The following CDH13 variants were observed in gnomAD, a reference collection of about 807,000 sequenced individuals.
CDH13 encodes the protein cadherin-13.
CDH13 carries 24 observed loss-of-function variants against 63.8 expected under a neutral mutation model. The ratio of observed to expected loss-of-function variants is 0.38; its 90% CI spans 0.27 to 0.53. CDH13 has a LOEUF of 0.53. Among genes scored for constraint, CDH13 ranks in the 20% least tolerant of loss-of-function variants. The pLI, the probability that CDH13 is intolerant of heterozygous loss-of-function variation, is 0.85. For missense variants in CDH13, 1,049 were observed against 903.1 expected, an observed-to-expected ratio of 1.16 and a Z score of -2.07; for synonymous variants, 503 against 355.3, an observed-to-expected ratio of 1.42 and a Z score of -4.67.
At chr16:83,363,676 C>T (rs141581043) in intron 6 of CDH13, among the ~76,000 whole-genome samples, 164 of 152,286 alleles carry the variant, frequency 1.1e-3, no homozygotes, top group Non-Finnish European at 1.7e-3. Flanking sequence ...AAGATGATGT[C>T]ACACCAGAGA....
intron 7 of CDH13, among the ~76,000 whole-genome samples, chr16:83,542,175 C>G (rs567719431): frequency 6.6e-6 from 1 of 152,278 alleles, no homozygotes; most frequent in African/African-American, 2.4e-5. Context: ...TGCTGAGGTG[C>G]ACATACTAAT....
At chr16:83,281,193 C>G (rs567893975) in intron 5 of CDH13, among the ~76,000 whole-genome samples, 1 of 152,238 alleles carries the variant, frequency 6.6e-6, no homozygotes, top group African/African-American at 2.4e-5. Context: ...ACGATCTTAG[C>G]TGGATCTTCT....
At chr16:83,740,686 G>A (rs1911975718) in intron 10 of CDH13, among the ~76,000 whole-genome samples, 1 of 152,292 alleles carries the variant, frequency 6.6e-6, no homozygotes, top group East Asian at 1.9e-4. Context: ...CTGGGAAGGG[G>A]ATCCAGGGAA....
At chr16:82,780,733 G>C (rs997870721) in intron 1 of CDH13, among the ~76,000 whole-genome samples, 1 of 152,162 alleles carries the variant, frequency 6.6e-6, no homozygotes, top group African/African-American at 2.4e-5. Flanking sequence ...AAACATAACA[G>C]AGTGACTTTA....
intron 3 of CDH13, among the ~76,000 whole-genome samples, chr16:83,063,515 C>G (rs1360293020): frequency 6.6e-6 from 1 of 152,120 alleles, no homozygotes; most frequent in Non-Finnish European, 1.5e-5. Flanking sequence ...TAAACCCAGC[C>G]TAAGGTTATA....
chr16:83,664,243 C>T (rs965557312), intron 8 of CDH13, among the ~76,000 whole-genome samples: 2 of 152,068 alleles, frequency 1.3e-5, no homozygotes, highest in African/African-American at 4.8e-5. Flanking sequence ...CATCTGGCTC[C>T]TGTAGTCACT....
At chr16:83,183,896 A>G (rs2038426107) in intron 4 of CDH13, among the ~76,000 whole-genome samples, 1 of 152,154 alleles carries the variant, frequency 6.6e-6, no homozygotes, top group South Asian at 2.1e-4. Context: ...ATTGGTTTTG[A>G]CTAGAAGTAA....
At position 82,883,705 on chromosome 16, in the gene CDH13, C is replaced by G. The variant is rs78257969; in HGVS notation, c.157+25232C>G. ...AGCTGCTGTGAGGATTAGCTGAGCT[C>G]GTGCCCAGAATGGAGCAGCCTCTAA... On this transcript the variant is annotated intron_variant, in intron 2 of 13. Transcript: ENST00000567109. Among the ~76,000 whole-genome samples, 14 of 152,288 alleles carry G rather than the reference C, an allele frequency of 9.2e-5. No individual in the cohort carries two copies. The East Asian group carries it at 2.5e-3, about 27-fold the overall frequency.
intron 13 of CDH13, among the ~76,000 whole-genome samples, chr16:83,793,677 G>A (rs937215905): frequency 1.3e-5 from 2 of 151,926 alleles, no homozygotes; most frequent in African/African-American, 2.4e-5. Context: ...AAGAGACTTC[G>A]GGCAGGCACC....
intron 2 of CDH13, among the ~76,000 whole-genome samples, chr16:82,863,879 G>A (rs1394111677): frequency 9.7e-6 from 1 of 103,532 alleles, no homozygotes; most frequent in Non-Finnish European, 1.9e-5. Context: ...CTAGATTGAT[G>A]AGAGTGTATT....
At chr16:83,360,376 G>A (rs957068445) in intron 6 of CDH13, among the ~76,000 whole-genome samples, 1 of 152,128 alleles carries the variant, frequency 6.6e-6, no homozygotes, top group Admixed American at 6.5e-5. Context: ...TATATGGGAG[G>A]GGGTTCCTCA....
chr16:83,100,195 T>C (rs1462538773), intron 3 of CDH13, among the ~76,000 whole-genome samples: 1 of 152,150 alleles, frequency 6.6e-6, no homozygotes, highest in Admixed American at 6.5e-5. Context: ...AGATAAAAAT[T>C]AAATCCCTGC....
chr16:83,445,306 AGGTTT>A (rs1210663692), intron 6 of CDH13, among the ~76,000 whole-genome samples: 13 of 150,594 alleles, frequency 8.6e-5, no homozygotes, highest in Admixed American at 1.3e-4. Flanking sequence ...AAATTATAAA[AGGTTT>A]GCATCATTTT....
chr16:83,434,387 C>A (rs1715136694), intron 6 of CDH13, among the ~76,000 whole-genome samples: 1 of 152,154 alleles, frequency 6.6e-6, no homozygotes, highest in Admixed American at 6.6e-5. Context: ...AGATGACTTC[C>A]TCAAGGGTCA....
At chr16:82,895,413 G>A (rs184880969) in intron 2 of CDH13, among the ~76,000 whole-genome samples, 1 of 152,092 alleles carries the variant, frequency 6.6e-6, no homozygotes, top group African/African-American at 2.4e-5. Flanking sequence ...CATTTCTTTA[G>A]TCTAACTTCC....
intron 6 of CDH13, among the ~76,000 whole-genome samples, chr16:83,372,064 C>G (rs920477342): frequency 1.3e-5 from 2 of 152,200 alleles, no homozygotes; most frequent in African/African-American, 4.8e-5. Flanking sequence ...TGAAACATCA[C>G]CATCATCAAC....
At chr16:83,450,022 G>A (rs758834456) in intron 6 of CDH13, among the ~76,000 whole-genome samples, 2 of 152,126 alleles carry the variant, frequency 1.3e-5, no homozygotes, top group Non-Finnish European at 2.9e-5. Flanking sequence ...CCCCGACCCC[G>A]GGCCCAGCTG....
intron 2 of CDH13, among the ~76,000 whole-genome samples, chr16:82,984,849 A>C (rs2151391300): frequency 6.6e-6 from 1 of 152,268 alleles, no homozygotes; most frequent in East Asian, 1.9e-4. Flanking sequence ...GGAACACACT[A>C]TGTGCTCCAT....
intron 1 of CDH13, among the ~76,000 whole-genome samples, chr16:82,855,945 A>G (rs1286821486): frequency 6.6e-6 from 1 of 152,188 alleles, no homozygotes; most frequent in Non-Finnish European, 1.5e-5. Context: ...GGGGATGATA[A>G]TGAATTTTCT....
Sources: gnomAD v4.1 joint callset for allele counts (sites outside exome capture counted in the v4.1 genomes callset) on GRCh38, gnomAD v4.1.1 for gene constraint, MANE v1.5 for transcripts, NCBI Gene and HGNC (gene_info 2026-07-23, HGNC 2026-07-21) for gene names.